Variants in PSMG2 observed in about 807,000 individuals in gnomAD.
PSMG2 encodes proteasome assembly chaperone 2.
Under a neutral mutation model 31.5 loss-of-function variants are expected in PSMG2, and 21 were observed. The observed-to-expected ratio is 0.67, with a 90% CI of 0.47 to 0.96. The LOEUF (loss-of-function observed/expected upper bound fraction) is 0.96. Ranked by LOEUF, PSMG2 falls within the 40% of genes least tolerant of loss-of-function variation. The pLI, the probability that PSMG2 is intolerant of heterozygous loss-of-function variation, is 0.00. For missense variants in PSMG2, 318 were observed against 321.2 expected (o/e 0.99, Z 0.08); for synonymous variants, 120 against 110.4 (o/e 1.09, Z -0.54).
At chr18:12,714,502 T>A (rs904726218) in intron 3 of PSMG2, among the ~76,000 whole-genome samples, 2 of 151,848 alleles carry the variant, frequency 1.3e-5, no homozygotes, top group Non-Finnish European at 1.5e-5. Context: ...TTTTTTTTTT[T>A]TCCTTGAAAC....
intron 1 of PSMG2, among the ~76,000 whole-genome samples, chr18:12,672,087 G>T (rs1047371833): frequency 6.7e-6 from 1 of 150,072 alleles, no homozygotes; most frequent in Admixed American, 6.7e-5. Flanking sequence ...CAAAGTGCTG[G>T]CATTACAGGT....
upstream of PSMG2, chr18:12,700,923 T>C (rs77564773): frequency 1.3e-5 from 10 of 790,812 alleles, no homozygotes; most frequent in African/African-American, 1.6e-5. Flanking sequence ...TATATACATA[T>C]ATACTCTCAT....
chr18:12,683,932 G>T (rs1024505427), intron 1 of PSMG2, among the ~76,000 whole-genome samples: 3 of 151,206 alleles, frequency 2.0e-5, no homozygotes, highest in Admixed American at 1.3e-4. Context: ...AGAATTATAG[G>T]TAAAGTTTCA....
At position 12,685,667 on chromosome 18, in the gene PSMG2, C is replaced by G. The variant is rs528308652; in HGVS notation, c.-36-20883C>G. On this transcript the variant is annotated intron_variant, in intron 1 of 6. Coordinates refer to the PSMG2 transcript ENST00000585331. The stretch of plus-strand genomic sequence containing the variant: ...TTTTTTTTTTGAGACGTGTCTTGCT[C>G]TGTCCTCAGGCTAGAGTGCAATGGT... 6.0e-5 allele frequency: 9 copies of G among 150,018 alleles called. No homozygotes were observed. The South Asian group carries it at 1.9e-3, about 31-fold the overall frequency. 9.3% of individuals were successfully genotyped at this position (150,018 alleles called of 1,614,324 possible).
intron 2 of PSMG2, among the ~76,000 whole-genome samples, chr18:12,709,010 C>T (rs1189978051): frequency 4.0e-5 from 6 of 151,384 alleles, no homozygotes; most frequent in African/African-American, 9.7e-5. Flanking sequence ...CAACTGCGCC[C>T]GGCCCCCGTA....
intron 1 of PSMG2, among the ~76,000 whole-genome samples, chr18:12,693,909 T>C (rs905707907): frequency 7.9e-5 from 12 of 152,200 alleles, no homozygotes; most frequent in Non-Finnish European, 4.4e-5. Flanking sequence ...CACAGCTCAC[T>C]GTAACCTCAA....
At chr18:12,700,868 C>T (rs1568035266), upstream of PSMG2, 6 of 1,061,836 alleles carry the variant, frequency 5.7e-6, no homozygotes, top group Non-Finnish European at 4.0e-6. Context: ...TTTACTAAAA[C>T]GAAAGGCCCC....
chr18:12,700,888 C>T (rs1449497369), upstream of PSMG2: 10 of 1,296,480 alleles, frequency 7.7e-6, no homozygotes, highest in East Asian at 2.3e-4. Flanking sequence ...CACATCGGAA[C>T]CTTATAAGTA....
upstream of PSMG2, chr18:12,701,129 A>T: frequency 3.8e-6 from 6 of 1,596,686 alleles, no homozygotes; most frequent in Non-Finnish European, 5.1e-6. Flanking sequence ...TAGAAAACTC[A>T]TATTACAATT....
chr18:12,698,337 T>A (rs1344190309), upstream of PSMG2, among the ~76,000 whole-genome samples: 1 of 152,020 alleles, frequency 6.6e-6, no homozygotes, highest in East Asian at 1.9e-4. Flanking sequence ...CGGCTAGAAA[T>A]TTTGTATTTC....
chr18:12,686,100 G>T (rs1001298282), intron 1 of PSMG2: 4 of 495,804 alleles, frequency 8.1e-6, no homozygotes, highest in African/African-American at 2.0e-5. Context: ...ACTTTTGTAA[G>T]TATTTTTGAT....
intron 1 of PSMG2, among the ~76,000 whole-genome samples, chr18:12,694,628 G>A (rs181884915): frequency 2.6e-5 from 4 of 152,160 alleles, no homozygotes; most frequent in East Asian, 3.9e-4. Flanking sequence ...TTCAATAAAC[G>A]CCTGCGAAAG....
intron 1 of PSMG2, among the ~76,000 whole-genome samples, chr18:12,690,518 C>A (rs558876904): frequency 1.0e-3 from 154 of 151,358 alleles, no homozygotes; most frequent in Admixed American, 1.8e-3. Context: ...TGCAGTGGTG[C>A]GATCTCGGCT....
At chr18:12,681,120 C>T (rs914450866) in intron 1 of PSMG2, among the ~76,000 whole-genome samples, 2 of 151,080 alleles carry the variant, frequency 1.3e-5, no homozygotes, top group African/African-American at 4.9e-5. Context: ...ATCACGTGAA[C>T]TTGGGAGGCG....
intron 1 of PSMG2, among the ~76,000 whole-genome samples, chr18:12,672,082 T>C (rs1042051786): frequency 6.6e-6 from 1 of 151,102 alleles, no homozygotes; most frequent in Non-Finnish European, 1.5e-5. Flanking sequence ...CCTCCCAAAG[T>C]GCTGGCATTA....
Position 12,724,602 on chromosome 18 carries a change from C to A in PSMG2, c.685C>A (p.Gln229Lys). The stretch of plus-strand genomic sequence containing the variant: ...TGTTGAGTATCTTAATGAGTGGCTT[C>A]AGATACTCAAACCACTTGTAAGTTC... ...GLVEYLNEWL[Q>K]ILKPLSDDPT... is the part of the protein sequence containing the mutation. The change falls in exon 6 of 7, where the codon CAG (glutamine) becomes AAG (lysine). Residue 229 changes from glutamine (Q) to lysine (K), a missense_variant. Gln to Lys is a moderately conservative substitution (Grantham distance 53, BLOSUM62 1). Coordinates refer to ENST00000317615, the MANE Select transcript of PSMG2 (RefSeq NM_020232.5). 1 of 1,603,830 alleles carries A rather than the reference C, an allele frequency of 6.2e-7. No homozygotes were observed. Among genetic ancestry groups the A allele is most frequent in the Non-Finnish European group, 8.5e-7 (1 of 1,176,296 alleles).
At chr18:12,695,220 AC>A in intron 1 of PSMG2, 1 of 962,912 alleles carries the variant, frequency 1.0e-6, no homozygotes, top group South Asian at 1.8e-5. Flanking sequence ...ATGAAAACAA[AC>A]ACACAAAAAA....
intron 3 of PSMG2, among the ~76,000 whole-genome samples, chr18:12,718,065 A>G (rs893521802): frequency 8.1e-5 from 12 of 148,652 alleles, no homozygotes; most frequent in African/African-American, 1.7e-4. Flanking sequence ...CTGGAGTGCA[A>G]TGGCACAATC....
At chr18:12,709,884 C>T (rs1476987526) in intron 2 of PSMG2, among the ~76,000 whole-genome samples, 2 of 152,010 alleles carry the variant, frequency 1.3e-5, no homozygotes, top group African/African-American at 4.8e-5. Flanking sequence ...AGTTCACCCG[C>T]CTCAGCCTCC....
Sources: allele counts gnomAD v4.1 joint callset (sites outside exome capture counted in the v4.1 genomes callset), GRCh38; gene constraint gnomAD v4.1.1; transcripts MANE v1.5; gene names NCBI Gene and HGNC (gene_info 2026-07-23, HGNC 2026-07-21).